The following PLEKHO2 variants were observed in gnomAD, a reference collection of about 807,000 sequenced individuals.
PLEKHO2 encodes pleckstrin homology domain containing O2.
Under a neutral mutation model 32.7 loss-of-function variants are expected in PLEKHO2, and 20 were observed. The observed-to-expected ratio is 0.61, with a 90% confidence interval of 0.43 to 0.89. PLEKHO2 has a LOEUF of 0.89. PLEKHO2 is among the 40% of genes least tolerant of loss of function. The pLI, the probability that PLEKHO2 is intolerant of heterozygous loss-of-function variation, is 0.00. For synonymous variants in PLEKHO2, 247 were observed against 246.3 expected (o/e 1.00, Z -0.03); for missense variants, 568 against 621.2 (o/e 0.91, Z 0.91).
chr15:64,857,800 A>G (rs548807505), intron 3 of PLEKHO2, among the ~76,000 whole-genome samples: 1 of 152,296 alleles, frequency 6.6e-6, no homozygotes, highest in East Asian at 1.9e-4. Context: ...AAGGAGCTGC[A>G]GTTTGGGCTG....
chr15:64,867,025 C>A lies in PLEKHO2; in HGVS notation c.*1137C>A, dbSNP rs114368128. On this transcript the variant is annotated 3_prime_UTR_variant, in exon 6 of 6. Coordinates refer to ENST00000323544, the MANE Select transcript of PLEKHO2 (RefSeq NM_025201.5). The stretch of plus-strand genomic sequence containing the variant: ...CCTGGTCCTCTCCCAGCCTCTCCCC[C>A]ACATTGTCCCTGACTCTAGGGGCAC... The A allele has an allele frequency of 5.3e-4, 81 of 153,192 alleles. No homozygotes were observed. The Middle Eastern group carries it at 0.01, about 19-fold the overall frequency. 9.5% of individuals were successfully genotyped at this position (153,192 alleles called of 1,614,324 possible). A position where few individuals can be genotyped will look rare whatever the true frequency, so the allele number is the denominator to read the frequency against.
chr15:64,859,446 C>T (rs1041726175), intron 3 of PLEKHO2, among the ~76,000 whole-genome samples: 1 of 152,186 alleles, frequency 6.6e-6, no homozygotes, highest in Non-Finnish European at 1.5e-5. Flanking sequence ...TATTTCCTGT[C>T]TGGCCATTGG....
Position 64,841,982 on chromosome 15 carries a change from G to C in PLEKHO2, c.-35G>C. 1 of 1,247,110 alleles carries C rather than the reference G, an allele frequency of 8.0e-7. No homozygotes were observed. The highest frequency in any genetic ancestry group is 1.0e-6 in the Non-Finnish European group (1 of 996,158). The allele number at this position is 1,247,110 out of a possible 1,614,324, so 77.3% of individuals were successfully genotyped here. On this transcript the variant is annotated 5_prime_UTR_variant, in exon 1 of 6. Transcript: ENST00000323544. ...GCAGAGCCCGCGCGGCGCTGGAAGC[G>C]AGTGGCGGAGCGGCGGGACCTCGGC... is the stretch of plus-strand genomic sequence containing the variant.
intron 2 of PLEKHO2, 125 bp downstream of exon 2, chr15:64,848,867 A>G: frequency 7.6e-6 from 9 of 1,180,474 alleles, no homozygotes; most frequent in Non-Finnish European, 1.1e-5. Context: ...CATGCTGTGC[A>G]ACCTTGAGCG....
In PLEKHO2 at chr15:64,848,650, T is replaced by C; in HGVS notation, c.70T>C (p.Trp24Arg). 6.2e-7 allele frequency: 1 copy of C among 1,614,148 alleles called. No homozygotes were observed. ...RGAQMVDKAG[W>R]IKKSSGGLLG... ...AGCACAGATGGTGGACAAGGCTGGC[T>C]GGATCAAGAAGAGCAGTGGGGGCCT... is the stretch of plus-strand genomic sequence containing the variant. The change falls in exon 2 of 6, where the codon TGG (tryptophan) becomes CGG (arginine). Residue 24 changes from tryptophan (W) to arginine (R), a missense_variant. Physicochemically the swap from Trp to Arg is moderately radical, Grantham distance 101 (BLOSUM62 -3). Transcript: ENST00000323544.
chr15:64,848,362 T>G (rs1458591698), intron 1 of PLEKHO2, among the ~76,000 whole-genome samples: 1 of 152,236 alleles, frequency 6.6e-6, no homozygotes, highest in Non-Finnish European at 1.5e-5. Context: ...TGACACTATG[T>G]GTATCAAATG....
At chr15:64,862,607 A>T (rs1244596201) in intron 5 of PLEKHO2, among the ~76,000 whole-genome samples, 1 of 152,132 alleles carries the variant, frequency 6.6e-6, no homozygotes, top group East Asian at 1.9e-4. Context: ...GACTGGAGGG[A>T]GGTCAGCTAG....
At position 64,856,332 on chromosome 15, in the gene PLEKHO2, T is replaced by A. The variant is rs1157339573; in HGVS notation, c.279+1295T>A. On this transcript the variant is annotated intron_variant, in intron 3 of 5. Coordinates refer to ENST00000323544, the MANE Select transcript of PLEKHO2 (RefSeq NM_025201.5). ...GCCACCTGTGTGTCTGGCCCTTATGTGTGTATCTTTTTTTAATGCAGGTGA... is the reference window on the plus strand; with the variant it reads ...GCCACCTGTGTGTCTGGCCCTTATGAGTGTATCTTTTTTTAATGCAGGTGA... Among the ~76,000 whole-genome samples, 39 of 151,976 alleles carry A rather than the reference T, an allele frequency of 2.6e-4. 1 individual carries two copies.
In PLEKHO2 at chr15:64,859,756, G is replaced by A. The variant is rs533121060; in HGVS notation, c.280-138G>A. The A allele has an allele frequency of 2.5e-5, 18 of 710,468 alleles. No individual in the cohort carries two copies. In the East Asian group the frequency reaches 3.7e-4, roughly 15 times the overall value. The allele number at this position is 710,468 out of a possible 1,614,324, so 44.0% of individuals were successfully genotyped here. A position where few individuals can be genotyped will look rare whatever the true frequency, so the allele number is the denominator to read the frequency against. ...CTCTGTGAGATCTTTCCCTTTCCTG[G>A]CCCAAAGCCCCAGTGTCATACTTAA... On this transcript the variant is annotated intron_variant, in intron 3 of 5. Transcript: ENST00000323544.
At position 64,866,677 on chromosome 15, in the gene PLEKHO2, C is replaced by G. The variant is rs1476030481; in HGVS notation, c.*789C>G. 1.7e-5 allele frequency: 4 copies of G among 235,068 alleles called. No homozygotes were observed. Among genetic ancestry groups the G allele is most frequent in the Non-Finnish European group, 2.6e-5 (3 of 114,676 alleles). The allele number at this position is 235,068 out of a possible 1,614,324, so 14.6% of individuals were successfully genotyped here. A position where few individuals can be genotyped will look rare whatever the true frequency, so the allele number is the denominator to read the frequency against. ...GTCTCTGCCCCTGGATAGTGTCCAGCCTTGTATATTTCTGAAGAGGTGGAT... is the reference window on the plus strand; with the variant it reads ...GTCTCTGCCCCTGGATAGTGTCCAGGCTTGTATATTTCTGAAGAGGTGGAT... On this transcript the variant is annotated 3_prime_UTR_variant, in exon 6 of 6. Transcript: ENST00000323544.
intron 4 of PLEKHO2, 80 bp from the exon 5 acceptor site, chr15:64,861,397 C>A: frequency 1.8e-6 from 2 of 1,116,898 alleles, no homozygotes; most frequent in South Asian, 1.6e-5. Context: ...CTGACCCTGG[C>A]TCTGAGCCAG....
Position 64,866,221 on chromosome 15 carries a change from G to A in PLEKHO2, c.*333G>A. 2 of 466,994 alleles carry A rather than the reference G, an allele frequency of 4.3e-6. No homozygotes were observed. Among genetic ancestry groups the A allele is most frequent in the Non-Finnish European group, 8.2e-6 (2 of 243,622 alleles). The allele number at this position is 466,994 out of a possible 1,614,324, so 28.9% of individuals were successfully genotyped here. On this transcript the variant is annotated 3_prime_UTR_variant, in exon 6 of 6. Coordinates refer to ENST00000323544, the MANE Select transcript of PLEKHO2 (RefSeq NM_025201.5). ...TTTGGGGGCGGCACTTGGGGTTTCTGGGAATGACATCATCTCTGTTCCCCA... is the reference window on the plus strand; with the variant it reads ...TTTGGGGGCGGCACTTGGGGTTTCTAGGAATGACATCATCTCTGTTCCCCA...
Position 64,851,381 on chromosome 15 carries a change from G to A in PLEKHO2, c.162+2639G>A, listed in dbSNP as rs183153600. Among the ~76,000 whole-genome samples the A allele has an allele frequency of 1.2e-3, 189 of 152,230 alleles. 2 individuals carry two copies. The highest frequency in any genetic ancestry group is 0.012 in the Admixed American group (185 of 15,300). The stretch of plus-strand genomic sequence containing the variant: ...TGTCCTAAACTGCCTCTCTGCATCT[G>A]GCCACAGCTGGGAAGCAGGAAGGAT... On this transcript the variant is annotated intron_variant, in intron 2 of 5. Coordinates refer to ENST00000323544, the MANE Select transcript of PLEKHO2 (RefSeq NM_025201.5).
chr15:64,846,254 C>T (rs2084521209), intron 1 of PLEKHO2, among the ~76,000 whole-genome samples: 3 of 152,000 alleles, frequency 2.0e-5, no homozygotes, highest in Admixed American at 6.5e-5. Flanking sequence ...CCCTCTTCTC[C>T]TGGACAGGGT....
In PLEKHO2 at chr15:64,865,517, G is replaced by A. The variant is rs201537761; in HGVS notation, c.1102G>A (p.Asp368Asn). 1 of 1,614,060 alleles carries A rather than the reference G, an allele frequency of 6.2e-7. No homozygotes were observed. Among genetic ancestry groups the A allele is most frequent in the East Asian group, 2.2e-5 (1 of 44,888 alleles). The change falls in exon 6 of 6, where the codon GAT becomes AAT. Residue 368 changes from aspartate to asparagine, a missense_variant. By Grantham distance (23) the Asp-to-Asn change is conservative (BLOSUM62 1). Coordinates refer to ENST00000323544, the MANE Select transcript of PLEKHO2 (RefSeq NM_025201.5). ...GGGCACCCCAGGAACTCCTCCAAAG[G>A]ATGCAACAACATCCACAGCACTGCC... is the stretch of plus-strand genomic sequence containing the variant. The part of the protein sequence containing the change: ...AEGTPGTPPK[D>N]ATTSTALPPW...
chr15:64,850,552 AG>A (rs1319215342), intron 2 of PLEKHO2, among the ~76,000 whole-genome samples: 1 of 152,216 alleles, frequency 6.6e-6, no homozygotes, highest in Non-Finnish European at 1.5e-5. Flanking sequence ...CTAGATGCAC[AG>A]GGGTAAAGAG....
At chr15:64,843,727 T>C (rs895165621) in intron 1 of PLEKHO2, among the ~76,000 whole-genome samples, 1 of 152,000 alleles carries the variant, frequency 6.6e-6, no homozygotes, top group African/African-American at 2.4e-5. Context: ...ATTACAGGCA[T>C]GCACCACCAC....
intron 3 of PLEKHO2, among the ~76,000 whole-genome samples, chr15:64,858,255 G>T (rs1220013415): frequency 6.6e-6 from 1 of 152,204 alleles, no homozygotes; most frequent in African/African-American, 2.4e-5. Context: ...CTGGCATGGT[G>T]GGGGTGGGAC....
intron 5 of PLEKHO2, among the ~76,000 whole-genome samples, chr15:64,863,560 T>C (rs999577979): frequency 6.8e-6 from 1 of 147,810 alleles, no homozygotes; most frequent in South Asian, 2.2e-4. Flanking sequence ...TGTGGTGTGT[T>C]AGGGGTGACT....
Sources: allele counts gnomAD v4.1 joint callset (sites outside exome capture counted in the v4.1 genomes callset), GRCh38; gene constraint gnomAD v4.1.1; transcripts MANE v1.5; gene names NCBI Gene and HGNC (gene_info 2026-07-23, HGNC 2026-07-21).